Variants in FAM91A1 observed in about 807,000 individuals in gnomAD.
FAM91A1 encodes the protein family with sequence similarity 91 member A1.
A neutral mutation model predicts 113.5 loss-of-function variants in FAM91A1; 41 were observed. The ratio of observed to expected loss-of-function variants is 0.36; its 90% CI spans 0.28 to 0.47. FAM91A1 has a LOEUF of 0.47. Among genes scored for constraint, FAM91A1 ranks in the 20% least tolerant of loss-of-function variants. The probability of loss-of-function intolerance (pLI) is 1.00; values close to 1 mark genes in which losing one functional copy is unlikely to be tolerated. For synonymous variants in FAM91A1, 307 were observed against 347.9 expected (o/e 0.88, Z 1.31); for missense variants, 696 against 1,001.2 (o/e 0.70, Z 4.11).
rs1381406494 is a variant in FAM91A1, at chr8:123,812,821, A to G, written c.*117A>G. On this transcript the variant is annotated 3_prime_UTR_variant, in exon 24 of 24. Transcript: ENST00000334705. ...CTGCAGTGCAATTCTTGCTTAACTA[A>G]TATTAAAAGTTGGGGAACATATTCA... is the stretch of plus-strand genomic sequence containing the variant. The G allele has an allele frequency of 2.6e-5, 23 of 885,076 alleles. No individual in the cohort carries two copies. Among genetic ancestry groups the G allele is most frequent in the African/African-American group, 7.0e-5 (4 of 56,962 alleles). 54.8% of individuals were successfully genotyped at this position (885,076 alleles called of 1,614,324 possible). A position where few individuals can be genotyped will look rare whatever the true frequency, so the allele number is the denominator to read the frequency against.
intron 14 of FAM91A1, 119 bp from the exon 15 acceptor site, chr8:123,789,494 T>C: frequency 6.8e-7 from 1 of 1,470,566 alleles, no homozygotes; most frequent in Non-Finnish European, 9.2e-7. Context: ...CGGTATTGCC[T>C]GGGCAAATTT....
intron 1 of FAM91A1, among the ~76,000 whole-genome samples, chr8:123,770,928 G>GC (rs1180818920): frequency 6.6e-6 from 1 of 152,066 alleles, no homozygotes; most frequent in Non-Finnish European, 1.5e-5. Flanking sequence ...GCTTCCCTAG[G>GC]CCGAGCTCCA....
rs1385803230 is a variant in FAM91A1 at position 123,813,992 on chromosome 8, T to C, written c.*1288T>C. 4.4e-6 allele frequency: 1 copy of C among 229,634 alleles called. No individual in the cohort carries two copies. Among genetic ancestry groups the C allele is most frequent in the Non-Finnish European group, 8.7e-6 (1 of 114,996 alleles). The allele number at this position is 229,634 out of a possible 1,614,324, so 14.2% of individuals were successfully genotyped here. On this transcript the variant is annotated 3_prime_UTR_variant, in exon 24 of 24. Transcript: ENST00000334705. ...TTTTTGTTATTTATAGATATTTGTGTATTTAACATACATACTTCAGGAAAT... is the reference window on the plus strand; with the variant it reads ...TTTTTGTTATTTATAGATATTTGTGCATTTAACATACATACTTCAGGAAAT...
At chr8:123,810,441 G>A in intron 23 of FAM91A1, 90 bp downstream of exon 23, 2 of 1,102,220 alleles carry the variant, frequency 1.8e-6, no homozygotes, top group Non-Finnish European at 2.8e-6. Context: ...CACCACAGCA[G>A]CAAGATATGA....
chr8:123,776,318 A>G (rs1200896930), intron 3 of FAM91A1, among the ~76,000 whole-genome samples: 1 of 152,236 alleles, frequency 6.6e-6, no homozygotes, highest in Non-Finnish European at 1.5e-5. Flanking sequence ...AGAGGAGCCT[A>G]GAACTAAAGG....
At chr8:123,777,414 C>A in intron 4 of FAM91A1, 92 bp downstream of exon 4, 1 of 1,176,074 alleles carries the variant, frequency 8.5e-7, no homozygotes, top group Non-Finnish European at 1.2e-6. Flanking sequence ...TGTTTTTAAC[C>A]TGAAATATGT....
intron 15 of FAM91A1, among the ~76,000 whole-genome samples, chr8:123,794,889 C>T (rs1815473892): frequency 6.6e-6 from 1 of 152,170 alleles, no homozygotes; most frequent in Non-Finnish European, 1.5e-5. Context: ...ATAGGTAAAT[C>T]CAGTGTAAAA....
intron 15 of FAM91A1, 51 bp from the exon 16 acceptor site, chr8:123,798,039 G>A (rs1815575149): frequency 6.6e-7 from 1 of 1,524,502 alleles, no homozygotes; most frequent in Admixed American, 2.2e-5. Context: ...CAACATTTTT[G>A]TTTCACACTC....
Position 123,779,197 on chromosome 8 carries a change from A to T in FAM91A1, c.549+425A>T, listed in dbSNP as rs146663735. The stretch of plus-strand genomic sequence containing the variant: ...TATTTGTACCCCCATTTCACAGATG[A>T]GGAAAGTGAGCACAGAACAATTAAG... On this transcript the variant is annotated intron_variant, in intron 6 of 23. Transcript: ENST00000334705. Among the ~76,000 whole-genome samples the T allele has an allele frequency of 4.3e-3, 656 of 152,346 alleles. 8 individuals are homozygous for T. Among genetic ancestry groups the T allele is most frequent in the African/African-American group, 0.015 (629 of 41,580 alleles).
chr8:123,773,303 T>C (rs1814900584), intron 1 of FAM91A1, among the ~76,000 whole-genome samples: 1 of 152,254 alleles, frequency 6.6e-6, no homozygotes, highest in African/African-American at 2.4e-5. Context: ...CTGTCATTAC[T>C]TTCCTAAGAT....
At chr8:123,801,250 G>A (rs1315428183) in intron 18 of FAM91A1, among the ~76,000 whole-genome samples, 1 of 152,164 alleles carries the variant, frequency 6.6e-6, no homozygotes, top group Admixed American at 6.5e-5. Flanking sequence ...ATAATGTTGA[G>A]CTTCTTTGCA....
At chr8:123,790,201 A>G (rs900749460) in intron 15 of FAM91A1, among the ~76,000 whole-genome samples, 2 of 152,268 alleles carry the variant, frequency 1.3e-5, no homozygotes, top group Non-Finnish European at 2.9e-5. Context: ...GGAAATAGAT[A>G]ATTCTTTTTA....
chr8:123,807,607 G>A (rs779059696), intron 20 of FAM91A1, among the ~76,000 whole-genome samples: 59 of 152,088 alleles, frequency 3.9e-4, no homozygotes, highest in Non-Finnish European at 8.2e-4. Context: ...TCTGCATAAA[G>A]CGCTAACACA....
At chr8:123,785,011 G>C (rs1815217634) in intron 9 of FAM91A1, 70 bp from the exon 10 acceptor site, 12 of 1,133,552 alleles carry the variant, frequency 1.1e-5, no homozygotes, top group Non-Finnish European at 1.4e-5. Flanking sequence ...GATTATATTG[G>C]TCTATTACAA....
In FAM91A1 at chr8:123,787,372, C is replaced by A. The variant is rs1468045186; in HGVS notation, c.1190C>A (p.Pro397Gln). ...TAFLMMGNLS[P>Q]NLKSHAVTMF... Reference sequence around the variant, plus strand: ...TTCTTAATGATGGGAAATCTTTCACCAGTAAGCCCAATTCTTGTTTAAATA... The same window carrying A: ...TTCTTAATGATGGGAAATCTTTCACAAGTAAGCCCAATTCTTGTTTAAATA... Residue 397 changes from proline (P) to glutamine (Q), a missense_variant and splice_region_variant, in exon 13 of 24, where the codon CCA (proline) becomes CAA (glutamine). By Grantham distance (76) the Pro-to-Gln change is moderately conservative (BLOSUM62 -1). Transcript: ENST00000334705. 5 of 1,605,308 alleles carry A rather than the reference C, an allele frequency of 3.1e-6. No individual in the cohort carries two copies. The highest frequency in any genetic ancestry group is 4.3e-6 in the Non-Finnish European group (5 of 1,173,944).
chr8:123,805,274 G>A lies in FAM91A1; in HGVS notation c.1817G>A (p.Gly606Asp), dbSNP rs200421526. The A allele has an allele frequency of 1.5e-4, 238 of 1,611,110 alleles. No homozygotes were observed. In the African/African-American group the frequency reaches 2.9e-3, roughly 20 times the overall value. Residue 606 changes from glycine to aspartate, a missense_variant, in exon 19 of 24, where the codon GGT (glycine) becomes GAT (aspartate). Physicochemically the swap from Gly to Asp is moderately conservative, Grantham distance 94. Coordinates refer to ENST00000334705, the MANE Select transcript of FAM91A1 (RefSeq NM_144963.4). Reference protein sequence around the residue: ...THSAVLIQGHGLHGIGETVHV... With the variant: ...THSAVLIQGHDLHGIGETVHV... ...ACTTTTGTTTATGTTTAGGGGCATG[G>A]TCTGCATGGGATAGGAGAAACTGTC...
intron 5 of FAM91A1, among the ~76,000 whole-genome samples, 180 bp downstream of exon 5, chr8:123,778,272 T>A (rs1353867898): frequency 2.6e-5 from 4 of 152,238 alleles, no homozygotes; most frequent in Non-Finnish European, 5.9e-5. Context: ...TTATTTAAAA[T>A]TTTTAATGCA....
chr8:123,799,438 G>T, intron 16 of FAM91A1, 82 bp from the exon 17 acceptor site: 2 of 1,250,288 alleles, frequency 1.6e-6, no homozygotes, highest in South Asian at 1.7e-5. Flanking sequence ...TTATGTGAAG[G>T]GATTTGCTGT....
intron 19 of FAM91A1, 50 bp from the exon 20 acceptor site, chr8:123,806,030 G>A (rs372298206): frequency 8.2e-5 from 119 of 1,453,812 alleles, no homozygotes; most frequent in African/African-American, 3.7e-4. Context: ...AGCTGTTGGC[G>A]TTGTGTTATT....
Sources: gnomAD v4.1 joint callset for allele counts (sites outside exome capture counted in the v4.1 genomes callset) on GRCh38, gnomAD v4.1.1 for gene constraint, MANE v1.5 for transcripts, NCBI Gene and HGNC (gene_info 2026-07-23, HGNC 2026-07-21) for gene names.